The following RP1 variants were observed in gnomAD, a reference collection of about 807,000 sequenced individuals.
RP1 encodes the protein oxygen-regulated protein 1.
Under a neutral mutation model 14.8 loss-of-function variants are expected in RP1, and 16 were observed. The ratio of observed to expected loss-of-function variants is 1.08; its 90% CI spans 0.73 to 1.65. The LOEUF (loss-of-function observed/expected upper bound fraction) is 1.65, where lower values mean the gene tolerates loss of function less well. Ranked by LOEUF, RP1 falls within the 40% of genes most tolerant of loss-of-function variation. The pLI is 0.00. For missense variants in RP1, 2,631 were observed against 2,535.0 expected (o/e 1.04, Z -0.81); for synonymous variants, 876 against 883.6 (o/e 0.99, Z 0.15).
chr8:54,560,114 G>A (rs765963708), intron 1 of RP1, among the ~76,000 whole-genome samples: 2 of 152,154 alleles, frequency 1.3e-5, no homozygotes. Flanking sequence ...GTGGAGGCTG[G>A]GGTGGGTCTG....
chr8:54,684,248 T>TCAGG (rs1271942470), intron 12 of RP1, among the ~76,000 whole-genome samples: 5 of 152,212 alleles, frequency 3.3e-5, no homozygotes, highest in Non-Finnish European at 7.3e-5. Context: ...TCTATGTTAA[T>TCAGG]CAGGGATATT....
At chr8:54,793,156 T>C (rs1429598756) in intron 24 of RP1, among the ~76,000 whole-genome samples, 1 of 151,774 alleles carries the variant, frequency 6.6e-6, no homozygotes, top group Non-Finnish European at 1.5e-5. Context: ...AAAGCCTGAA[T>C]ACACCAGTAA....
intron 24 of RP1, among the ~76,000 whole-genome samples, chr8:54,785,357 T>C (rs1330093965): frequency 6.6e-6 from 1 of 152,104 alleles, no homozygotes; most frequent in African/African-American, 2.4e-5. Context: ...CTTTATTCTT[T>C]TTTATGGTTA....
intron 25 of RP1, among the ~76,000 whole-genome samples, chr8:54,847,956 C>G (rs533473364): frequency 1.3e-5 from 2 of 152,352 alleles, no homozygotes; most frequent in East Asian, 1.9e-4. Flanking sequence ...TCTATTACTT[C>G]TGTGTCTTTG....
rs193301821 is a variant in RP1 at position 54,852,129 on chromosome 8, G to A, written c.3836-445G>A. The stretch of plus-strand genomic sequence containing the variant: ...CTAGGATCTTTGTTTTTTTTTCTCC[G>A]TCAAGAGGGCTATTAAAAATCTCCA... On this transcript the variant is annotated intron_variant, in intron 25 of 28. Transcript: ENST00000637698. 1.4e-3 allele frequency among the ~76,000 whole-genome samples: 209 copies of A among 150,438 alleles called. 1 individual carries two copies. The highest frequency in any genetic ancestry group is 4.6e-3 in the African/African-American group (188 of 41,016).
intron 24 of RP1, among the ~76,000 whole-genome samples, chr8:54,824,967 T>TAC (rs1196934862): frequency 6.6e-6 from 1 of 150,376 alleles, no homozygotes; most frequent in Non-Finnish European, 1.5e-5. Context: ...TTTCTTTTTT[T>TAC]TTTTTAATTT....
At chr8:54,717,934 T>A (rs1435462962) in intron 15 of RP1, among the ~76,000 whole-genome samples, 1 of 152,192 alleles carries the variant, frequency 6.6e-6, no homozygotes, top group Non-Finnish European at 1.5e-5. Context: ...ATTGCATTCC[T>A]ATATACTAGC....
chr8:54,717,651 T>C (rs940776433), intron 15 of RP1, among the ~76,000 whole-genome samples: 2 of 152,178 alleles, frequency 1.3e-5, no homozygotes, highest in Non-Finnish European at 2.9e-5. Flanking sequence ...TTATACTTAA[T>C]AGTGAGAAAC....
At chr8:54,856,958 G>T (rs1402458917) in intron 26 of RP1, 4 of 417,502 alleles carry the variant, frequency 9.6e-6, no homozygotes, top group Middle Eastern at 6.7e-4. Flanking sequence ...AGTATCAATA[G>T]TAATACTATT....
intron 12 of RP1, among the ~76,000 whole-genome samples, chr8:54,685,052 T>C (rs1423745608): frequency 1.3e-5 from 2 of 152,026 alleles, no homozygotes; most frequent in Admixed American, 6.6e-5. Flanking sequence ...AATACCTAGG[T>C]GATGGGTTGA....
At chr8:54,705,000 G>C (rs1260147798) in intron 14 of RP1, among the ~76,000 whole-genome samples, 1 of 151,720 alleles carries the variant, frequency 6.6e-6, no homozygotes, top group Non-Finnish European at 1.5e-5. Flanking sequence ...TGAACTTAAG[G>C]GTTAGAACGT....
rs567931730 is a variant in RP1 at position 54,797,617 on chromosome 8, C to T, written c.3615+13907C>T. On this transcript the variant is annotated intron_variant, in intron 24 of 28. Transcript: ENST00000637698. The stretch of plus-strand genomic sequence containing the variant: ...ATGTGTTAGGAACCATGCTTATTCA[C>T]ATCTGATGTTAAAACTATCCTTCCA... Among the ~76,000 whole-genome samples, 5 of 152,134 alleles carry T rather than the reference C, an allele frequency of 3.3e-5. No homozygotes were observed. The South Asian group carries it at 1.0e-3, about 32-fold the overall frequency.
intron 27 of RP1, among the ~76,000 whole-genome samples, chr8:54,863,555 T>A (rs1158682158): frequency 2.0e-5 from 3 of 152,218 alleles, no homozygotes; most frequent in Admixed American, 6.5e-5. Context: ...GAGGATGGAA[T>A]CAACTTTCAT....
chr8:54,633,277 A>T (rs1806283786), downstream of RP1, among the ~76,000 whole-genome samples: 1 of 152,182 alleles, frequency 6.6e-6, no homozygotes, highest in African/African-American at 2.4e-5. Flanking sequence ...GAATCATCAG[A>T]GTTGATTCCA....
In RP1 at chr8:54,842,057, A is replaced by G. The variant is rs1467181023; in HGVS notation, c.3835+4388A>G. On this transcript the variant is annotated intron_variant, in intron 25 of 28. Coordinates refer to the RP1 transcript ENST00000637698. ...AAATAAGCCGAAATGCCTGCTGACA[A>G]CCTATAGCAAGTTTTAGATAACAAC... Among the ~76,000 whole-genome samples the G allele has an allele frequency of 2.6e-5, 4 of 152,344 alleles. No homozygotes were observed. In the East Asian group the frequency reaches 7.7e-4, roughly 29 times the overall value.
At chr8:54,862,760 C>G (rs1191905569) in intron 27 of RP1, among the ~76,000 whole-genome samples, 3 of 152,062 alleles carry the variant, frequency 2.0e-5, no homozygotes, top group Non-Finnish European at 2.9e-5. Flanking sequence ...GGCAGCTGCG[C>G]ATATGACTTC....
intron 1 of RP1, among the ~76,000 whole-genome samples, chr8:54,564,994 G>T (rs1274337931): frequency 6.6e-6 from 1 of 152,176 alleles, no homozygotes; most frequent in East Asian, 1.9e-4. Flanking sequence ...GGGCTCAAGT[G>T]ATTCTTCTGC....
intron 24 of RP1, among the ~76,000 whole-genome samples, chr8:54,797,542 C>CACACACAG (rs1554534261): frequency 2.6e-5 from 4 of 151,666 alleles, no homozygotes; most frequent in Admixed American, 6.6e-5. Context: ...CACACACACA[C>CACACACAG]ACACACACAC....
intron 24 of RP1, among the ~76,000 whole-genome samples, chr8:54,808,711 A>AT (rs1810916840): frequency 6.6e-6 from 1 of 152,226 alleles, no homozygotes; most frequent in East Asian, 1.9e-4. Context: ...AAAAAGAAAA[A>AT]TGTTACTCCT....
Sources: allele counts gnomAD v4.1 joint callset (sites outside exome capture counted in the v4.1 genomes callset), GRCh38; gene constraint gnomAD v4.1.1; transcripts MANE v1.5; gene names NCBI Gene and HGNC (gene_info 2026-07-23, HGNC 2026-07-21).